The following MGAT5 variants were observed in gnomAD, a reference collection of about 807,000 sequenced individuals.
The protein encoded by MGAT5 is alpha-1,6-mannosylglycoprotein 6-beta-N-acetylglucosaminyltransferase.
In MGAT5, 30 loss-of-function variants were observed where a neutral mutation model predicts 94.3. That is an observed-to-expected ratio of 0.32 (90% CI 0.24 to 0.43). The LOEUF (loss-of-function observed/expected upper bound fraction) is 0.43, where lower values mean the gene tolerates loss of function less well. Ranked by LOEUF, MGAT5 falls within the 20% of genes least tolerant of loss-of-function variation. The probability of loss-of-function intolerance (pLI) is 1.00; values close to 1 mark genes in which losing one functional copy is unlikely to be tolerated. For missense variants in MGAT5, 691 were observed against 905.5 expected (o/e 0.76, Z 3.04); for synonymous variants, 310 against 322.9 (o/e 0.96, Z 0.43).
intron 1 of MGAT5, among the ~76,000 whole-genome samples, chr2:134,246,959 G>A (rs1260275043): frequency 6.6e-6 from 1 of 152,200 alleles, no homozygotes; most frequent in African/African-American, 2.4e-5. Context: ...CCAGGGAGAT[G>A]TGGTTCTGTG....
chr2:134,298,695 T>C (rs1685842304), intron 2 of MGAT5, among the ~76,000 whole-genome samples: 1 of 152,020 alleles, frequency 6.6e-6, no homozygotes, highest in Non-Finnish European at 1.5e-5. Context: ...TCTCCTGGAG[T>C]CTCTTTTGAT....
intron 10 of MGAT5, among the ~76,000 whole-genome samples, chr2:134,371,956 A>AC (rs1680833715): frequency 6.6e-6 from 1 of 151,150 alleles, no homozygotes; most frequent in African/African-American, 2.4e-5. Context: ...AAAAAAAAAA[A>AC]AAAAACCTTG....
chr2:134,315,598 A>G (rs1686953162), intron 2 of MGAT5, among the ~76,000 whole-genome samples: 1 of 152,222 alleles, frequency 6.6e-6, no homozygotes, highest in African/African-American at 2.4e-5. Flanking sequence ...CAGATATAGC[A>G]AGTAAAAGTT....
In MGAT5 at chr2:134,448,909, G is replaced by T; in HGVS notation, c.*62G>T. The T allele has an allele frequency of 6.5e-7, 1 of 1,528,704 alleles. No individual in the cohort carries two copies. The highest frequency in any genetic ancestry group is 2.3e-4 in the Middle Eastern group (1 of 4,332). The allele number at this position is 1,528,704 out of a possible 1,614,324, so 94.7% of individuals were successfully genotyped here. A position where few individuals can be genotyped will look rare whatever the true frequency, so the allele number is the denominator to read the frequency against. On this transcript the variant is annotated 3_prime_UTR_variant, in exon 16 of 16. Transcript: ENST00000281923. ...AAGACAGTGGCCCCAGCCCCGTCAG[G>T]CAGGGCCAGGGACAGAAGTCATGCA...
chr2:134,167,574 G>A (rs1688019734), intron 1 of MGAT5, among the ~76,000 whole-genome samples: 2 of 152,154 alleles, frequency 1.3e-5, no homozygotes, highest in South Asian at 2.1e-4. Context: ...GAACCACTGC[G>A]CTAAAGGAAA....
intron 11 of MGAT5, among the ~76,000 whole-genome samples, chr2:134,411,730 G>A (rs969374381): frequency 6.6e-6 from 1 of 152,216 alleles, no homozygotes; most frequent in Non-Finnish European, 1.5e-5. Context: ...AGGAAAGCTG[G>A]TGAGAAGGAG....
rs558160671 is a variant in MGAT5 at position 134,177,112 on chromosome 2, C to T, written c.-143+56821C>T. 4.0e-5 allele frequency among the ~76,000 whole-genome samples: 5 copies of T among 124,380 alleles called. No homozygotes were observed. The South Asian group carries it at 1.3e-3, about 31-fold the overall frequency. The allele number at this position is 124,380 out of a possible 152,430, so 81.6% of individuals were successfully genotyped here. On this transcript the variant is annotated intron_variant, in intron 1 of 16. Transcript: ENST00000409645. ...CCCACTCATTTGAAAGGCACGTGTC[C>T]TGTGATAGGGACCTCCTGTAACAAA...
chr2:134,387,332 A>ATATATATATAT, intron 10 of MGAT5, among the ~76,000 whole-genome samples: 20 of 24,264 alleles, frequency 8.2e-4, no homozygotes, highest in Non-Finnish European at 1.0e-3. Flanking sequence ...ATATATATAT[A>ATATATATATAT]TTTTTTTTTT....
At chr2:134,426,894 G>C (rs924624141) in intron 13 of MGAT5, among the ~76,000 whole-genome samples, 3 of 152,136 alleles carry the variant, frequency 2.0e-5, no homozygotes, top group Admixed American at 6.5e-5. Flanking sequence ...CTCTGTTCTT[G>C]TAGAATAGTC....
At chr2:134,313,618 A>G (rs935674340) in intron 2 of MGAT5, among the ~76,000 whole-genome samples, 2 of 152,196 alleles carry the variant, frequency 1.3e-5, no homozygotes, top group African/African-American at 4.8e-5. Flanking sequence ...AACATTTAAA[A>G]AAAATGGCAT....
intron 11 of MGAT5, among the ~76,000 whole-genome samples, chr2:134,409,338 A>G (rs62170199): frequency 0.015 from 2,284 of 152,318 alleles, 32 homozygotes; most frequent in Non-Finnish European, 0.026. Flanking sequence ...TACCCGGACT[A>G]AGGTCCTATA....
At chr2:134,227,706 G>C (rs533567334) in intron 1 of MGAT5, among the ~76,000 whole-genome samples, 1 of 152,160 alleles carries the variant, frequency 6.6e-6, no homozygotes. Context: ...GTTTACTCTA[G>C]GATCCTCTTC....
intron 1 of MGAT5, among the ~76,000 whole-genome samples, chr2:134,185,759 A>G (rs993409245): frequency 2.0e-5 from 3 of 152,248 alleles, no homozygotes; most frequent in African/African-American, 7.2e-5. Flanking sequence ...TCTGCCAGTG[A>G]GTACCAACGA....
intron 8 of MGAT5, among the ~76,000 whole-genome samples, chr2:134,347,349 G>A (rs1431792289): frequency 6.6e-6 from 1 of 152,088 alleles, no homozygotes; most frequent in Non-Finnish European, 1.5e-5. Context: ...CTTTCAGGAA[G>A]AGCCCAGTGC....
chr2:134,147,594 A>AT (rs1422790409), intron 1 of MGAT5, among the ~76,000 whole-genome samples: 8 of 120,670 alleles, frequency 6.6e-5, no homozygotes, highest in South Asian at 2.5e-4. Context: ...TACAGAGTTA[A>AT]TAAAAAAAAA....
chr2:134,247,239 T>G (rs1682322971), intron 1 of MGAT5, among the ~76,000 whole-genome samples: 1 of 152,064 alleles, frequency 6.6e-6, no homozygotes, highest in African/African-American at 2.4e-5. Context: ...ACTTAAAATA[T>G]GGGAGTCAGG....
chr2:134,245,800 G>A lies in MGAT5; in HGVS notation c.-142-8462G>A, dbSNP rs1682225851. Among the ~76,000 whole-genome samples, 3 of 152,138 alleles carry A rather than the reference G, an allele frequency of 2.0e-5. No homozygotes were observed. The South Asian group carries it at 6.2e-4, about 32-fold the overall frequency. On this transcript the variant is annotated intron_variant, in intron 1 of 16. Coordinates refer to the MGAT5 transcript ENST00000409645. ...TTCACCAGCCCTGTTACAGTGTTTG[G>A]AAATTTATTTTGCTATTGATGCCAG...
chr2:134,396,162 TTCAGAGCCC>T (rs1351115018), intron 10 of MGAT5, among the ~76,000 whole-genome samples: 4 of 152,178 alleles, frequency 2.6e-5, no homozygotes, highest in Non-Finnish European at 4.4e-5. Flanking sequence ...CCAAGGGTTT[TTCAGAGCCC>T]CACAAGGTTT....
At chr2:134,220,800 C>G (rs1223823324) in intron 1 of MGAT5, among the ~76,000 whole-genome samples, 1 of 152,158 alleles carries the variant, frequency 6.6e-6, no homozygotes, top group Non-Finnish European at 1.5e-5. Flanking sequence ...GTTACTGACT[C>G]CTCACTCTGA....
Sources: allele counts gnomAD v4.1 joint callset (sites outside exome capture counted in the v4.1 genomes callset), GRCh38; gene constraint gnomAD v4.1.1; transcripts MANE v1.5; gene names NCBI Gene and HGNC (gene_info 2026-07-23, HGNC 2026-07-21).